Variants in SAMSN1 observed in about 807,000 individuals in gnomAD.
The protein encoded by SAMSN1 is SAM domain-containing protein SAMSN-1.
SAMSN1 carries 31 observed loss-of-function variants against 42.0 expected under a neutral mutation model. That is an observed-to-expected ratio of 0.74 (90% CI 0.55 to 1.00). The LOEUF (loss-of-function observed/expected upper bound fraction) is 1.00, where lower values mean the gene tolerates loss of function less well. Among genes scored for constraint, SAMSN1 ranks in the 50% least tolerant of loss-of-function variants. SAMSN1 has a pLI of 0.00. For synonymous variants in SAMSN1, 178 were observed against 151.9 expected, an observed-to-expected ratio of 1.17 and a Z score of -1.26; for missense variants, 464 against 439.4, an observed-to-expected ratio of 1.06 and a Z score of -0.50.
upstream of SAMSN1, among the ~76,000 whole-genome samples, chr21:14,549,826 C>G (rs993023265): frequency 6.6e-6 from 1 of 151,940 alleles, no homozygotes; most frequent in African/African-American, 2.4e-5. Flanking sequence ...GAGTAGACTT[C>G]TTTCTATAGT....
At chr21:14,538,895 G>A (rs545296702) in intron 1 of SAMSN1, among the ~76,000 whole-genome samples, 191 of 152,026 alleles carry the variant, frequency 1.3e-3, no homozygotes, top group Non-Finnish European at 2.4e-3. Context: ...TTATTCTAAC[G>A]TTTCCCTCAA....
At chr21:14,531,063 A>T (rs941481862) in intron 1 of SAMSN1, among the ~76,000 whole-genome samples, 1 of 152,126 alleles carries the variant, frequency 6.6e-6, no homozygotes, top group African/African-American at 2.4e-5. Context: ...AAAACAAATA[A>T]TTCTACAAAT....
At chr21:14,618,702 G>GTC (rs1982919607) in intron 2 of SAMSN1, among the ~76,000 whole-genome samples, 1 of 144,812 alleles carries the variant, frequency 6.9e-6, no homozygotes, top group Non-Finnish European at 1.5e-5. Flanking sequence ...GCGCGCGCGC[G>GTC]CACGCGCGTG....
intron 2 of SAMSN1, among the ~76,000 whole-genome samples, chr21:14,517,286 C>G (rs1987960617): frequency 6.6e-6 from 1 of 152,190 alleles, no homozygotes; most frequent in African/African-American, 2.4e-5. Context: ...ACATCTGCAA[C>G]TCTTTTAGAG....
upstream of SAMSN1, among the ~76,000 whole-genome samples, chr21:14,549,776 C>A (rs889954858): frequency 6.6e-6 from 1 of 152,092 alleles, no homozygotes; most frequent in African/African-American, 2.4e-5. Context: ...ATAAAAGTAA[C>A]TTAACCTTGA....
chr21:14,492,318 C>T (rs556662101), intron 7 of SAMSN1, among the ~76,000 whole-genome samples: 15 of 152,230 alleles, frequency 9.9e-5, no homozygotes, highest in South Asian at 2.1e-4. Context: ...ACTCGAATAC[C>T]GATCTGCTTA....
chr21:14,503,813 G>A (rs1987281354), intron 5 of SAMSN1, among the ~76,000 whole-genome samples: 1 of 152,048 alleles, frequency 6.6e-6, no homozygotes, highest in South Asian at 2.1e-4. Context: ...AGGAAACCTG[G>A]GAGGACTCAC....
chr21:14,612,334 G>C (rs1982730235), intron 4 of SAMSN1, among the ~76,000 whole-genome samples: 3 of 152,204 alleles, frequency 2.0e-5, no homozygotes, highest in Admixed American at 2.0e-4. Context: ...AAAGTAAAAA[G>C]AGAGATAATC....
chr21:14,582,089 A>C (rs1981750200), intron 2 of SAMSN1: 1 of 1,468,598 alleles, frequency 6.8e-7, no homozygotes, highest in East Asian at 2.5e-5. Flanking sequence ...TCCCGACAGT[A>C]CAAAACCCCA....
chr21:14,609,289 T>C (rs1360377691), intron 5 of SAMSN1, among the ~76,000 whole-genome samples: 1 of 152,076 alleles, frequency 6.6e-6, no homozygotes, highest in East Asian at 1.9e-4. Flanking sequence ...TATATACACA[T>C]ATATATATGT....
chr21:14,560,655 G>A lies in SAMSN1; in HGVS notation c.261+21481C>T, dbSNP rs545608235. ...GCTTTAGAAATTTTGAAAACTGGAA[G>A]AAAGGTATATCTCTCTATTTCCCAT... On this transcript the variant is annotated intron_variant, in intron 2 of 8. Coordinates refer to the SAMSN1 transcript ENST00000285670. 4.6e-5 allele frequency among the ~76,000 whole-genome samples: 7 copies of A among 152,328 alleles called. No individual in the cohort carries two copies. In the South Asian group the frequency reaches 1.4e-3, roughly 32 times the overall value.
At chr21:14,633,727 C>A (rs1983389219) in intron 2 of SAMSN1, among the ~76,000 whole-genome samples, 1 of 152,170 alleles carries the variant, frequency 6.6e-6, no homozygotes, top group Admixed American at 6.5e-5. Context: ...TCAGCCGAGA[C>A]TCCCTAATGG....
intron 2 of SAMSN1, among the ~76,000 whole-genome samples, chr21:14,639,096 A>G (rs1983534654): frequency 6.6e-6 from 1 of 152,242 alleles, no homozygotes; most frequent in Non-Finnish European, 1.5e-5. Context: ...ATGAGATACA[A>G]AATGAAGTGG....
At chr21:14,544,131 C>A (rs1980230511) in intron 1 of SAMSN1, among the ~76,000 whole-genome samples, 1 of 152,156 alleles carries the variant, frequency 6.6e-6, no homozygotes, top group African/African-American at 2.4e-5. Flanking sequence ...CCCACTGTAG[C>A]CTTCAATCTC....
rs555565583 is a variant in SAMSN1, at chr21:14,635,851, A to C, written c.156+7151T>G. 6.5e-4 allele frequency among the ~76,000 whole-genome samples: 98 copies of C among 150,738 alleles called. 2 individuals are homozygous for C. The highest frequency in any genetic ancestry group is 5.8e-3 in the South Asian group (28 of 4,812). On this transcript the variant is annotated intron_variant, in intron 2 of 15. Coordinates refer to the SAMSN1 transcript ENST00000647101. ...TTATTATTATTATTATTATACTTCAAGTTCTAGGGTACATGTGCACAACGT... is the reference window on the plus strand; with the variant it reads ...TTATTATTATTATTATTATACTTCACGTTCTAGGGTACATGTGCACAACGT...
intron 1 of SAMSN1, among the ~76,000 whole-genome samples, chr21:14,533,226 T>A (rs1324341877): frequency 6.6e-6 from 1 of 152,098 alleles, no homozygotes; most frequent in Non-Finnish European, 1.5e-5. Flanking sequence ...CACTCTTATT[T>A]AATTAAAAAT....
intron 7 of SAMSN1, chr21:14,593,743 C>T: frequency 3.7e-6 from 1 of 272,474 alleles, no homozygotes; most frequent in Non-Finnish European, 6.9e-6. Flanking sequence ...TAAATTTTTT[C>T]CTATCTCAGG....
At chr21:14,583,590 C>A (rs2822793), upstream of SAMSN1, 2 of 689,842 alleles carry the variant, frequency 2.9e-6, no homozygotes, top group East Asian at 2.7e-5. Flanking sequence ...GCTTCATTAA[C>A]GTATGCTTCC....
chr21:14,618,580 C>G (rs1203157155), intron 2 of SAMSN1, among the ~76,000 whole-genome samples: 1 of 151,852 alleles, frequency 6.6e-6, no homozygotes, highest in African/African-American at 2.4e-5. Context: ...GAGTTCACAC[C>G]CTGGGTACTT....
Sources: gnomAD v4.1 joint callset for allele counts (sites outside exome capture counted in the v4.1 genomes callset) on GRCh38, gnomAD v4.1.1 for gene constraint, MANE v1.5 for transcripts, NCBI Gene and HGNC (gene_info 2026-07-23, HGNC 2026-07-21) for gene names.